The following NEGR1 variants were observed in gnomAD, a reference collection of about 807,000 sequenced individuals.
The protein encoded by NEGR1 is IgLON family member 4.
A neutral mutation model predicts 40.9 loss-of-function variants in NEGR1; 10 were observed. That is an observed-to-expected ratio of 0.24 (90% CI 0.15 to 0.42). NEGR1 has a LOEUF of 0.42. Ranked by LOEUF, NEGR1 falls within the 10% of genes least tolerant of loss-of-function variation. The probability of loss-of-function intolerance (pLI) is 1.00; values close to 1 mark genes in which losing one functional copy is unlikely to be tolerated. For synonymous variants in NEGR1, 185 were observed against 166.8 expected, an observed-to-expected ratio of 1.11 and a Z score of -0.84; for missense variants, 352 against 438.9, an observed-to-expected ratio of 0.80 and a Z score of 1.77.
At chr1:72,242,325 T>G (rs1168731675) in intron 1 of NEGR1, among the ~76,000 whole-genome samples, 1 of 151,718 alleles carries the variant, frequency 6.6e-6, no homozygotes, top group Non-Finnish European at 1.5e-5. Context: ...TTAAGTCACA[T>G]AAATGTAATT....
At chr1:71,946,488 C>G (rs918307806) in intron 1 of NEGR1, among the ~76,000 whole-genome samples, 2 of 151,490 alleles carry the variant, frequency 1.3e-5, no homozygotes, top group African/African-American at 4.9e-5. Context: ...TTAAATATGT[C>G]CAAAGAAATC....
At chr1:71,875,602 G>C (rs986296772) in intron 2 of NEGR1, among the ~76,000 whole-genome samples, 3 of 152,130 alleles carry the variant, frequency 2.0e-5, no homozygotes, top group African/African-American at 7.2e-5. Flanking sequence ...GCAGATACGG[G>C]CTAGATTTAA....
intron 4 of NEGR1, among the ~76,000 whole-genome samples, chr1:71,643,155 C>T (rs1651412541): frequency 6.6e-6 from 1 of 151,980 alleles, no homozygotes; most frequent in African/African-American, 2.4e-5. Flanking sequence ...ATTAAAACCA[C>T]ACAAATCCCC....
At chr1:72,126,581 C>T (rs1650032677) in intron 1 of NEGR1, among the ~76,000 whole-genome samples, 1 of 152,118 alleles carries the variant, frequency 6.6e-6, no homozygotes, top group Non-Finnish European at 1.5e-5. Flanking sequence ...GGCTTTGGGA[C>T]AGTTTTTCAC....
intron 6 of NEGR1, among the ~76,000 whole-genome samples, chr1:71,503,332 C>T (rs948404474): frequency 6.6e-6 from 1 of 152,002 alleles, no homozygotes; most frequent in Middle Eastern, 3.2e-3. Flanking sequence ...CCCCATGTTA[C>T]CTATCAAAGA....
chr1:72,076,906 T>TTC (rs1647767063), intron 1 of NEGR1, among the ~76,000 whole-genome samples: 1 of 148,478 alleles, frequency 6.7e-6, no homozygotes, highest in Admixed American at 6.7e-5. Flanking sequence ...TTTTTTTTTT[T>TTC]TTTTTGGAAA....
At chr1:72,131,511 C>A (rs1650248574) in intron 1 of NEGR1, among the ~76,000 whole-genome samples, 1 of 152,102 alleles carries the variant, frequency 6.6e-6, no homozygotes, top group South Asian at 2.1e-4. Flanking sequence ...TCAAACAAAG[C>A]ACTTGTGGAT....
chr1:71,908,362 G>T (rs750154417), intron 2 of NEGR1, among the ~76,000 whole-genome samples: 4 of 152,070 alleles, frequency 2.6e-5, no homozygotes, highest in Non-Finnish European at 5.9e-5. Flanking sequence ...TCTGGATTAT[G>T]GCAATGTCTG....
intron 6 of NEGR1, among the ~76,000 whole-genome samples, chr1:71,566,780 T>C (rs1343115162): frequency 6.6e-6 from 1 of 152,168 alleles, no homozygotes; most frequent in Non-Finnish European, 1.5e-5. Context: ...ACTGGGTGGC[T>C]TATAAATAAT....
chr1:72,047,451 C>A (rs1464868767), intron 1 of NEGR1, among the ~76,000 whole-genome samples: 1 of 151,154 alleles, frequency 6.6e-6, no homozygotes, highest in African/African-American at 2.4e-5. Flanking sequence ...ATAATATAAG[C>A]TAATTTTTAA....
intron 6 of NEGR1, chr1:71,439,891 A>C (rs529215163): frequency 1.3e-5 from 2 of 151,824 alleles, no homozygotes; most frequent in East Asian, 3.9e-4. Flanking sequence ...TATATAAATA[A>C]ATTTTGGTCT....
chr1:71,708,516 G>A (rs1653977416), intron 3 of NEGR1, among the ~76,000 whole-genome samples: 1 of 151,842 alleles, frequency 6.6e-6, no homozygotes, highest in Non-Finnish European at 1.5e-5. Flanking sequence ...AATTTATATG[G>A]AACCATACAA....
chr1:71,926,961 G>A (rs1461944391), intron 2 of NEGR1, among the ~76,000 whole-genome samples: 1 of 152,004 alleles, frequency 6.6e-6, no homozygotes, highest in African/African-American at 2.4e-5. Flanking sequence ...ATTCCCAACT[G>A]TAGAAAAGTA....
At chr1:72,113,472 A>C (rs1432947907) in intron 1 of NEGR1, among the ~76,000 whole-genome samples, 1 of 151,486 alleles carries the variant, frequency 6.6e-6, no homozygotes, top group East Asian at 1.9e-4. Context: ...AAATATATAT[A>C]TTTAGAAATA....
chr1:71,812,300 A>G (rs1305106924), intron 2 of NEGR1, among the ~76,000 whole-genome samples: 6 of 152,096 alleles, frequency 3.9e-5, no homozygotes, highest in East Asian at 1.9e-4. Context: ...TCTATCATCA[A>G]TGGGCATTTG....
chr1:72,077,809 TC>T (rs1647814895), intron 1 of NEGR1, among the ~76,000 whole-genome samples: 1 of 150,700 alleles, frequency 6.6e-6, no homozygotes, highest in Non-Finnish European at 1.5e-5. Flanking sequence ...AGGCCCTGTC[TC>T]AAATAAAAAA....
At chr1:71,822,433 GA>G (rs1234254004) in intron 2 of NEGR1, among the ~76,000 whole-genome samples, 1 of 151,952 alleles carries the variant, frequency 6.6e-6, no homozygotes, top group African/African-American at 2.4e-5. Context: ...ATGAGTGCTG[GA>G]ACAATCAGCA....
chr1:71,928,497 C>A (rs1283592883), intron 2 of NEGR1, among the ~76,000 whole-genome samples: 1 of 135,876 alleles, frequency 7.4e-6, no homozygotes, highest in Non-Finnish European at 1.6e-5. Context: ...TATATATACA[C>A]ATATGTATAC....
chr1:71,787,920 C>A (rs1349404539), intron 2 of NEGR1, among the ~76,000 whole-genome samples: 1 of 152,120 alleles, frequency 6.6e-6, no homozygotes, highest in Admixed American at 6.6e-5. Flanking sequence ...AAAAGTTGTA[C>A]ATTATCACAC....
Sources: allele counts gnomAD v4.1 joint callset (sites outside exome capture counted in the v4.1 genomes callset), GRCh38; gene constraint gnomAD v4.1.1; transcripts MANE v1.5; gene names NCBI Gene and HGNC (gene_info 2026-07-23, HGNC 2026-07-21).